Variants in LRRCC1 observed in about 807,000 individuals in gnomAD.
The protein encoded by LRRCC1 is leucine rich repeat and coiled-coil centrosomal protein 1, also known as leucine-rich repeat and coiled-coil domain-containing protein 1.
In LRRCC1, 115 loss-of-function variants were observed where a neutral mutation model predicts 126.0. The observed-to-expected ratio is 0.91, with a 90% CI of 0.78 to 1.07. The LOEUF is 1.07. LRRCC1 is among the 50% of genes least tolerant of loss of function. The pLI is 0.00. For missense variants in LRRCC1, 1,172 were observed against 1,175.7 expected, an observed-to-expected ratio of 1.00 and a Z score of 0.05; for synonymous variants, 400 against 393.4, an observed-to-expected ratio of 1.02 and a Z score of -0.20.
At chr8:85,113,743 A>T (rs1452337462) in intron 4 of LRRCC1, among the ~76,000 whole-genome samples, 1 of 152,126 alleles carries the variant, frequency 6.6e-6, no homozygotes, top group Non-Finnish European at 1.5e-5. Flanking sequence ...TACATTATTA[A>T]TAAATGATTT....
chr8:85,135,023 A>C lies in LRRCC1; in HGVS notation c.2145A>C (p.Ala715=). Residue 715 remains alanine (A), a synonymous_variant, in exon 13 of 19, where the codon GCA becomes GCC. Coordinates refer to ENST00000360375, the MANE Select transcript of LRRCC1 (RefSeq NM_033402.5). Reference sequence around the variant, plus strand: ...CTAAATTGAAACAAGAAACAGCAGCAAATTTACAGGTAAGACTTTGCAACA... The same window carrying C: ...CTAAATTGAAACAAGAAACAGCAGCCAATTTACAGGTAAGACTTTGCAACA... ...EVSKLKQETA[A]NLQNQINTLE... The C allele has an allele frequency of 6.5e-7, 1 of 1,539,300 alleles. No homozygotes were observed. Among genetic ancestry groups the C allele is most frequent in the Non-Finnish European group, 8.7e-7 (1 of 1,153,730 alleles).
At chr8:85,124,370 C>T (rs1809803505) in intron 7 of LRRCC1, among the ~76,000 whole-genome samples, 2 of 152,116 alleles carry the variant, frequency 1.3e-5, no homozygotes, top group Non-Finnish European at 2.9e-5. Flanking sequence ...CCAGGACATA[C>T]CCTGGAATTT....
chr8:85,132,008 T>C (rs1271729308), intron 12 of LRRCC1, 47 bp downstream of exon 12: 1 of 1,503,142 alleles, frequency 6.7e-7, no homozygotes, highest in Admixed American at 1.9e-5. Flanking sequence ...ATCAGTAAGA[T>C]ATGGTTTGAT....
At chr8:85,126,544 T>G in intron 8 of LRRCC1, 145 bp from the exon 9 acceptor site, 2 of 664,926 alleles carry the variant, frequency 3.0e-6, no homozygotes, top group Non-Finnish European at 4.9e-6. Flanking sequence ...GGTGGCAGAG[T>G]GAGACTCAAA....
At chr8:85,113,818 GAATC>G (rs1217691694) in intron 4 of LRRCC1, among the ~76,000 whole-genome samples, 1 of 151,968 alleles carries the variant, frequency 6.6e-6, no homozygotes, top group Admixed American at 6.6e-5. Context: ...AGCTAATTGG[GAATC>G]AATCAAGTTG....
intron 3 of LRRCC1, among the ~76,000 whole-genome samples, chr8:85,111,590 G>A (rs1004962683): frequency 1.8e-4 from 28 of 151,988 alleles, no homozygotes; most frequent in African/African-American, 6.3e-4. Context: ...AAGTCACAGG[G>A]CTTACATTAT....
Position 85,141,388 on chromosome 8 carries a change from A to C in LRRCC1, c.2847A>C (p.Ala949=). ...ATGTTCTTGTTTTTTTAAGGAATGC[A>C]ATGGAAAAACTTCATAGTATGGATG... ...RDKSIELQKN[A]MEKLHSMDDA... Residue 949 remains alanine (A), a synonymous_variant, in exon 18 of 19, where the codon GCA becomes GCC. Coordinates refer to ENST00000360375, the MANE Select transcript of LRRCC1 (RefSeq NM_033402.5). 3.1e-6 allele frequency: 5 copies of C among 1,611,258 alleles called. No individual in the cohort carries two copies. The highest frequency in any genetic ancestry group is 1.1e-5 in the South Asian group (1 of 90,640).
intron 11 of LRRCC1, 57 bp downstream of exon 11, chr8:85,130,115 A>C: frequency 5.2e-5 from 65 of 1,243,044 alleles, no homozygotes; most frequent in Non-Finnish European, 6.8e-5. Context: ...AAAGAAAGCT[A>C]CTGGTTCCCC....
Position 85,115,730 on chromosome 8 carries a change from G to A in LRRCC1, c.930+146G>A, listed in dbSNP as rs575507125. ...TTTTTGTTTTCCTCTACAGAAATAGGGTTCTATTATTGCATAATGGTAGTA... is the reference window on the plus strand; with the variant it reads ...TTTTTGTTTTCCTCTACAGAAATAGAGTTCTATTATTGCATAATGGTAGTA... On this transcript the variant is annotated intron_variant, in intron 6 of 18. Coordinates refer to ENST00000360375, the MANE Select transcript of LRRCC1 (RefSeq NM_033402.5). 1.0e-3 allele frequency: 611 copies of A among 610,584 alleles called. 11 individuals carry two copies. The South Asian group carries it at 0.013, about 13-fold the overall frequency. 37.8% of individuals were successfully genotyped at this position (610,584 alleles called of 1,614,324 possible).
At chr8:85,118,931 G>A (rs1809314922) in intron 6 of LRRCC1, among the ~76,000 whole-genome samples, 1 of 150,002 alleles carries the variant, frequency 6.7e-6, no homozygotes, top group African/African-American at 2.5e-5. Flanking sequence ...AAAAACTTTT[G>A]TGCATACCAA....
chr8:85,138,919 G>A (rs925653841), intron 17 of LRRCC1, among the ~76,000 whole-genome samples: 5 of 152,124 alleles, frequency 3.3e-5, no homozygotes, highest in African/African-American at 9.6e-5. Flanking sequence ...GGTGGCAAGC[G>A]CCTGTAATCC....
rs1202180610 is a variant in LRRCC1, at chr8:85,115,151, G to T, written c.596G>T (p.Cys199Phe). ...TTGCCACAGCTTAGAATCCTAGATT[G>T]CAAGAACATATTTGGTGAACCAGTA... Reference protein sequence around the residue: ...QTLPQLRILDCKNIFGEPVNL... With the variant: ...QTLPQLRILDFKNIFGEPVNL... Residue 199 changes from cysteine to phenylalanine, a missense_variant, in exon 5 of 19, where the codon TGC becomes TTC. Cys to Phe is a radical substitution (Grantham distance 205). Coordinates refer to ENST00000360375, the MANE Select transcript of LRRCC1 (RefSeq NM_033402.5). 5.0e-5 allele frequency: 81 copies of T among 1,612,596 alleles called. No individual in the cohort carries two copies. Among genetic ancestry groups the T allele is most frequent in the Non-Finnish European group, 6.9e-5 (81 of 1,179,258 alleles).
At chr8:85,138,797 C>T (rs1005418364) in intron 17 of LRRCC1, among the ~76,000 whole-genome samples, 7 of 152,162 alleles carry the variant, frequency 4.6e-5, no homozygotes, top group African/African-American at 1.4e-4. Context: ...GCAATCCCAG[C>T]GCTTTGGGAG....
rs113560763 is a variant in LRRCC1, at chr8:85,144,766, G to C, written c.2977-623G>C. Among the ~76,000 whole-genome samples, 432 of 137,270 alleles carry C rather than the reference G, an allele frequency of 3.1e-3. 3 individuals are homozygous for C. Among genetic ancestry groups the C allele is most frequent in the Middle Eastern group, 0.015 (4 of 268 alleles). 90.1% of individuals were successfully genotyped at this position (137,270 alleles called of 152,430 possible). A position where few individuals can be genotyped will look rare whatever the true frequency, so the allele number is the denominator to read the frequency against. On this transcript the variant is annotated intron_variant, in intron 18 of 18. Transcript: ENST00000360375. The stretch of plus-strand genomic sequence containing the variant: ...GGTGTGAGCCACCACACCCGGCCAA[G>C]TTAAAATATATTGCCATGTCTTGGC...
intron 18 of LRRCC1, among the ~76,000 whole-genome samples, chr8:85,144,997 G>A (rs900195426): frequency 6.7e-6 from 1 of 150,224 alleles, no homozygotes. Context: ...GGAGAATAGC[G>A]TGAACCCAGG....
chr8:85,121,066 G>T (rs1809516058), intron 6 of LRRCC1, among the ~76,000 whole-genome samples: 1 of 152,144 alleles, frequency 6.6e-6, no homozygotes, highest in South Asian at 2.1e-4. Flanking sequence ...AGTATATGAA[G>T]GTTCAGTTTT....
At chr8:85,133,229 T>G (rs936604612) in intron 12 of LRRCC1, among the ~76,000 whole-genome samples, 1 of 152,200 alleles carries the variant, frequency 6.6e-6, no homozygotes, top group Admixed American at 6.5e-5. Flanking sequence ...GGTGCAGGAT[T>G]AGACAGGGTT....
chr8:85,117,628 C>T (rs1337085759), intron 6 of LRRCC1, among the ~76,000 whole-genome samples: 1 of 152,074 alleles, frequency 6.6e-6, no homozygotes, highest in Non-Finnish European at 1.5e-5. Flanking sequence ...AATTTTATGT[C>T]TGTGAAAAGC....
chr8:85,141,469 A>T lies in LRRCC1; in HGVS notation c.2928A>T (p.Ala976=). ...AIVEAHQAEI[A]QLANEKQKCI... ...TTGAAGCTCATCAAGCTGAAATAGCACAGCTGGCCAATGAAAAGCAGAAGT... is the reference window on the plus strand; with the variant it reads ...TTGAAGCTCATCAAGCTGAAATAGCTCAGCTGGCCAATGAAAAGCAGAAGT... Residue 976 remains alanine (A), a synonymous_variant, in exon 18 of 19, where the codon GCA becomes GCT. Transcript: ENST00000360375. 6.2e-7 allele frequency: 1 copy of T among 1,613,366 alleles called. No individual in the cohort carries two copies.
Sources: allele counts gnomAD v4.1 joint callset (sites outside exome capture counted in the v4.1 genomes callset), GRCh38; gene constraint gnomAD v4.1.1; transcripts MANE v1.5; gene names NCBI Gene and HGNC (gene_info 2026-07-23, HGNC 2026-07-21).